PLEKHA1: variants seen among roughly 807,000 people sequenced by gnomAD.
PLEKHA1 encodes the protein pleckstrin homology domain-containing family A member 1.
Under a neutral mutation model 52.0 loss-of-function variants are expected in PLEKHA1, and 34 were observed. That is an observed-to-expected ratio of 0.65 (90% CI 0.50 to 0.87). The LOEUF is 0.87. Ranked by LOEUF, PLEKHA1 falls within the 40% of genes least tolerant of loss-of-function variation. The pLI is 0.00. For missense variants in PLEKHA1, 497 were observed against 504.2 expected (o/e 0.99, Z 0.14); for synonymous variants, 163 against 170.7 (o/e 0.95, Z 0.35).
At chr10:122,397,275 A>G (rs1338693726) in intron 2 of PLEKHA1, among the ~76,000 whole-genome samples, 4 of 152,146 alleles carry the variant, frequency 2.6e-5, no homozygotes, top group Non-Finnish European at 5.9e-5. Context: ...CTTCAACCAG[A>G]GATGATTCTC....
chr10:122,401,366 T>C (rs58210803), intron 4 of PLEKHA1, among the ~76,000 whole-genome samples: 2,739 of 152,232 alleles, frequency 0.018, 77 homozygotes, highest in African/African-American at 0.061. Flanking sequence ...AGTTTTGATA[T>C]AGGTAGACTG....
the PLEKHA1 span, chr10:122,437,364 C>A: frequency 1.3e-5 from 2 of 152,196 alleles, no homozygotes; most frequent in South Asian, 4.2e-4. Flanking sequence ...TGGAAAAGAT[C>A]ATGATTGCAG....
Position 122,412,950 on chromosome 10 carries a change from T to G in PLEKHA1, c.373T>G (p.Ser125Ala). 1 of 1,613,560 alleles carries G rather than the reference T, an allele frequency of 6.2e-7. No homozygotes were observed. Among genetic ancestry groups the G allele is most frequent in the African/African-American group, 1.3e-5 (1 of 75,010 alleles). The change falls in exon 6 of 12, where the codon TCT becomes GCT. Residue 125 changes from serine (S) to alanine (A), a missense_variant. Transcript: ENST00000368990. ...VPKQSDSQPN[S>A]DNLSRHGECG... ...AAAGCAGTCAGACTCACAGCCTAAT[T>G]CTGATAACCTAAGTCGCCATGGTGA...
chr10:122,411,801 T>TTA, intron 5 of PLEKHA1: 1 of 152,214 alleles, frequency 6.6e-6, no homozygotes, highest in African/African-American at 2.4e-5. Context: ...AGTACTCTAT[T>TTA]AACAGGAATT....
At chr10:122,382,899 A>G (rs1317980124) in intron 1 of PLEKHA1, among the ~76,000 whole-genome samples, 1 of 152,240 alleles carries the variant, frequency 6.6e-6, no homozygotes, top group Admixed American at 6.5e-5. Flanking sequence ...AGTACCAAGT[A>G]GGAATGCTGG....
At chr10:122,433,485 A>G (rs1049396620), downstream of PLEKHA1, 64 of 152,044 alleles carry the variant, frequency 4.2e-4, no homozygotes, top group Admixed American at 4.0e-3. Context: ...CTAATAACCT[A>G]TGGCATTCCG....
chr10:122,382,375 C>G (rs1322359226), intron 1 of PLEKHA1, among the ~76,000 whole-genome samples: 1 of 152,138 alleles, frequency 6.6e-6, no homozygotes, highest in African/African-American at 2.4e-5. Context: ...TCATACTATA[C>G]TTGGTTTGTT....
chr10:122,388,316 GTAGTAGCATGTATCAGT>G (rs1172701591), intron 1 of PLEKHA1, among the ~76,000 whole-genome samples: 3 of 152,138 alleles, frequency 2.0e-5, no homozygotes, highest in Admixed American at 2.0e-4. Context: ...GTTTATCTAG[GTAGTAGCATGTATCAGT>G]ACTTCATTCC....
chr10:122,394,123 G>A (rs1182809738), intron 2 of PLEKHA1, among the ~76,000 whole-genome samples: 1 of 132,264 alleles, frequency 7.6e-6, no homozygotes, highest in African/African-American at 2.8e-5. Flanking sequence ...CACCCAGGCT[G>A]GAATGCAGCG....
intron 1 of PLEKHA1, among the ~76,000 whole-genome samples, chr10:122,376,524 AT>A (rs1386599816): frequency 0.014 from 1,956 of 140,238 alleles, 36 homozygotes; most frequent in African/African-American, 0.049. Context: ...ATATATATAT[AT>A]ATATATATAA....
rs550576527 is a variant in PLEKHA1 at position 122,417,663 on chromosome 10, A to C, written c.613-237A>C. Reference sequence around the variant, plus strand: ...TCTGTCTCAAAAAAAAAAAAAAAAAACACATAAAATCATACAATAAAAGAT... The same window carrying C: ...TCTGTCTCAAAAAAAAAAAAAAAAACCACATAAAATCATACAATAAAAGAT... On this transcript the variant is annotated intron_variant, in intron 7 of 11. Coordinates refer to ENST00000368990, the MANE Select transcript of PLEKHA1 (RefSeq NM_001001974.4). 4.1e-4 allele frequency among the ~76,000 whole-genome samples: 61 copies of C among 149,410 alleles called. 1 individual carries two copies. The highest frequency in any genetic ancestry group is 1.2e-3 in the African/African-American group (50 of 40,848).
At chr10:122,413,248 T>G (rs1590745899) in intron 6 of PLEKHA1, among the ~76,000 whole-genome samples, 1 of 152,308 alleles carries the variant, frequency 6.6e-6, no homozygotes, top group East Asian at 1.9e-4. Context: ...TCTCTGAGCC[T>G]TTCTTCATGT....
intron 8 of PLEKHA1, chr10:122,423,448 A>C (rs948925933): frequency 6.7e-6 from 1 of 149,650 alleles, no homozygotes; most frequent in African/African-American, 2.4e-5. Flanking sequence ...AACAAAAAAA[A>C]CAACAACACT....
At chr10:122,413,150 C>A in intron 6 of PLEKHA1, 105 bp downstream of exon 6, 1 of 959,478 alleles carries the variant, frequency 1.0e-6, no homozygotes, top group South Asian at 3.6e-5. Context: ...GTATAATATA[C>A]AATTACTATA....
the PLEKHA1 span, chr10:122,441,190 C>T: frequency 6.6e-6 from 1 of 152,176 alleles, no homozygotes; most frequent in Non-Finnish European, 1.5e-5. Context: ...TTGAGATCGG[C>T]TGGGCATGGT....
Position 122,396,360 on chromosome 10 carries a change from A to G in PLEKHA1, c.142-1558A>G, listed in dbSNP as rs570590403. Among the ~76,000 whole-genome samples, 204 of 152,292 alleles carry G rather than the reference A, an allele frequency of 1.3e-3. 2 individuals carry two copies. The highest frequency in any genetic ancestry group is 4.4e-3 in the African/African-American group (184 of 41,592). On this transcript the variant is annotated intron_variant, in intron 2 of 11. Coordinates refer to ENST00000368990, the MANE Select transcript of PLEKHA1 (RefSeq NM_001001974.4). Reference sequence around the variant, plus strand: ...CTTTAAAGTTAAAAACCAAAAACCCATAAATCTAAAACGTTATACATAAGA... The same window carrying G: ...CTTTAAAGTTAAAAACCAAAAACCCGTAAATCTAAAACGTTATACATAAGA...
Position 122,406,628 on chromosome 10 carries a change from C to G in PLEKHA1, c.297C>G (p.Asp99Glu), listed in dbSNP as rs370829327. The stretch of plus-strand genomic sequence containing the variant: ...TCCTACAAGCCAATGATCAGCAGGA[C>G]CTAGTGGAATGGGTAAATGTGTTAA... ...KYFLQANDQQDLVEWVNVLNK... is the reference protein window; with the variant it reads ...KYFLQANDQQELVEWVNVLNK... Residue 99 changes from aspartate to glutamate, a missense_variant, in exon 5 of 12, where the codon GAC (aspartate) becomes GAG (glutamate). Transcript: ENST00000368990. The G allele has an allele frequency of 1.2e-6, 2 of 1,613,084 alleles. No individual in the cohort carries two copies. The highest frequency in any genetic ancestry group is 1.3e-5 in the African/African-American group (1 of 74,906).
intron 1 of PLEKHA1, among the ~76,000 whole-genome samples, chr10:122,388,172 C>T (rs116278133): frequency 0.012 from 1,834 of 152,322 alleles, 31 homozygotes; most frequent in African/African-American, 0.039. Flanking sequence ...ATTTCCCACT[C>T]TCTTCAGCCT....
At chr10:122,417,238 G>T (rs2097189668) in intron 7 of PLEKHA1, among the ~76,000 whole-genome samples, 1 of 151,936 alleles carries the variant, frequency 6.6e-6, no homozygotes, top group African/African-American at 2.4e-5. Flanking sequence ...TACAGATGGA[G>T]AAACTTGATG....
Sources: allele counts gnomAD v4.1 joint callset (sites outside exome capture counted in the v4.1 genomes callset), GRCh38; gene constraint gnomAD v4.1.1; transcripts MANE v1.5; gene names NCBI Gene and HGNC (gene_info 2026-07-23, HGNC 2026-07-21).